The following EPDR1 variants were observed in gnomAD, a reference collection of about 807,000 sequenced individuals.
EPDR1 encodes mammalian ependymin-related protein 1.
Under a neutral mutation model 23.7 loss-of-function variants are expected in EPDR1, and 27 were observed. The observed-to-expected ratio is 1.14, with a 90% CI of 0.84 to 1.57. The LOEUF (loss-of-function observed/expected upper bound fraction) is 1.57, where lower values mean the gene tolerates loss of function less well. EPDR1 is among the 40% of genes most tolerant of loss of function. The pLI, the probability that EPDR1 is intolerant of heterozygous loss-of-function variation, is 0.00. For synonymous variants in EPDR1, 137 were observed against 118.2 expected (o/e 1.16, Z -1.03); for missense variants, 349 against 290.4 (o/e 1.20, Z -1.47).
chr7:37,921,087 G>C lies in EPDR1; in HGVS notation c.148G>C (p.Gly50Arg). The change falls in exon 1 of 3, where the codon GGG (glycine) becomes CGG (arginine). Residue 50 changes from glycine (G) to arginine (R), a missense_variant. Transcript: ENST00000199448. ...GTGCCAGGCGCCGCAGCAGTGGGAG[G>C]GGCGCCAGGTTATGTACCAGCAAAG... ...RPCQAPQQWEGRQVMYQQSSG... is the reference protein window; with the variant it reads ...RPCQAPQQWERRQVMYQQSSG... 3.2e-6 allele frequency: 5 copies of C among 1,581,510 alleles called. No individual in the cohort carries two copies. Among genetic ancestry groups the C allele is most frequent in the East Asian group, 2.3e-5 (1 of 43,434 alleles).
At chr7:37,949,137 A>G in intron 2 of EPDR1, 89 bp downstream of exon 2, 1 of 1,325,670 alleles carries the variant, frequency 7.5e-7, no homozygotes, top group Non-Finnish European at 1.0e-6. Context: ...TTTTTAGGGA[A>G]ACATCCGCTT....
At chr7:37,947,954 G>C (rs562888398) in intron 1 of EPDR1, among the ~76,000 whole-genome samples, 5 of 152,202 alleles carry the variant, frequency 3.3e-5, no homozygotes, top group Admixed American at 3.3e-4. Flanking sequence ...CTCTGGGGTC[G>C]CCTCAGCTTT....
At chr7:37,949,582 C>T (rs1315901389) in intron 2 of EPDR1, among the ~76,000 whole-genome samples, 1 of 152,136 alleles carries the variant, frequency 6.6e-6, no homozygotes, top group East Asian at 1.9e-4. Flanking sequence ...ATAAGACTGC[C>T]ATATGACCCA....
Position 37,927,989 on chromosome 7 carries a change from T to G in EPDR1, c.269+6781T>G, listed in dbSNP as rs1486570669. Among the ~76,000 whole-genome samples, 2 of 152,220 alleles carry G rather than the reference T, an allele frequency of 1.3e-5. 1 individual carries two copies. The highest frequency in any genetic ancestry group is 2.9e-5 in the Non-Finnish European group (2 of 68,034). ...GATTTTCTTGGAAGCACACAAAGTT[T>G]GATTTAAGGGACTTAATTCAGTGTG... On this transcript the variant is annotated intron_variant, in intron 1 of 2. Coordinates refer to ENST00000199448, the MANE Select transcript of EPDR1 (RefSeq NM_017549.5).
chr7:37,943,749 G>A (rs888901704), intron 1 of EPDR1, among the ~76,000 whole-genome samples: 29 of 152,108 alleles, frequency 1.9e-4, no homozygotes, highest in African/African-American at 6.7e-4. Flanking sequence ...ACACCAAAAC[G>A]AACACTTGTG....
intron 1 of EPDR1, among the ~76,000 whole-genome samples, chr7:37,946,351 G>A (rs1786274317): frequency 6.6e-6 from 1 of 152,202 alleles, no homozygotes; most frequent in Non-Finnish European, 1.5e-5. Flanking sequence ...CCCATCAACA[G>A]TGTAAAAGTG....
intron 1 of EPDR1, among the ~76,000 whole-genome samples, chr7:37,940,035 T>C (rs1306113525): frequency 6.6e-6 from 1 of 152,174 alleles, no homozygotes; most frequent in East Asian, 1.9e-4. Context: ...AACTCAATGT[T>C]TATTGGTAGA....
Position 37,949,047 on chromosome 7 carries a change from C to CT in EPDR1, c.478dup (p.Tyr160LeufsTer2). On this transcript the variant is annotated frameshift_variant and splice_region_variant, in exon 2 of 3. Coordinates refer to ENST00000199448, the MANE Select transcript of EPDR1 (RefSeq NM_017549.5). LOFTEE classifies it high-confidence loss of function. Reference sequence around the variant, plus strand: ...GGTCGGACAGAAAGTCAGCTAGATCCTGTAAGGGTTCAAAGAATCTAAGCA... The same window carrying CT: ...GGTCGGACAGAAAGTCAGCTAGATCCTTGTAAGGGTTCAAAGAATCTAAGCA... The CT allele has an allele frequency of 6.2e-7, 1 of 1,613,914 alleles. No homozygotes were observed. The highest frequency in any genetic ancestry group is 1.1e-5 in the South Asian group (1 of 91,072).
intron 1 of EPDR1, 198 bp downstream of exon 1, chr7:37,921,406 G>A (rs893616092): frequency 2.2e-6 from 3 of 1,391,466 alleles, no homozygotes; most frequent in Admixed American, 7.0e-5. Flanking sequence ...CACCGAGGGC[G>A]GCCTGCTGGC....
At chr7:37,938,770 T>C (rs1583668056) in intron 1 of EPDR1, among the ~76,000 whole-genome samples, 4 of 152,204 alleles carry the variant, frequency 2.6e-5, no homozygotes, top group Admixed American at 1.3e-4. Flanking sequence ...AAAATTTCCA[T>C]TGAAGGGTCT....
rs573990553 is a variant in EPDR1, at chr7:37,939,779, A to G, written c.270-9061A>G. 9.6e-4 allele frequency among the ~76,000 whole-genome samples: 147 copies of G among 152,360 alleles called. 1 individual carries two copies. The highest frequency in any genetic ancestry group is 3.4e-3 in the African/African-American group (143 of 41,576). ...ATTTCTTATTCCTCAGATTAGCACA[A>G]ATTTAAGTTTGACAACATGCTCTGT... On this transcript the variant is annotated intron_variant, in intron 1 of 2. Transcript: ENST00000199448.
At chr7:37,947,598 G>A (rs1786303478) in intron 1 of EPDR1, among the ~76,000 whole-genome samples, 1 of 152,134 alleles carries the variant, frequency 6.6e-6, no homozygotes, top group African/African-American at 2.4e-5. Context: ...TAATTTGTTG[G>A]CTATTTTTAT....
intron 1 of EPDR1, among the ~76,000 whole-genome samples, chr7:37,941,782 TG>T (rs1054798448): frequency 6.6e-6 from 1 of 152,176 alleles, no homozygotes; most frequent in African/African-American, 2.4e-5. Context: ...AAGATGTATT[TG>T]GGGGGCCACT....
At chr7:37,943,605 A>G (rs1402235266) in intron 1 of EPDR1, among the ~76,000 whole-genome samples, 1 of 152,260 alleles carries the variant, frequency 6.6e-6, no homozygotes, top group African/African-American at 2.4e-5. Flanking sequence ...AAAACAAATT[A>G]TATAGTTCTA....
chr7:37,934,664 C>T (rs1786013517), intron 1 of EPDR1, among the ~76,000 whole-genome samples: 1 of 151,952 alleles, frequency 6.6e-6, no homozygotes, highest in Admixed American at 6.6e-5. Flanking sequence ...TTAAAAATGG[C>T]CAGGTATGGT....
chr7:37,929,678 C>A (rs1785890316), intron 1 of EPDR1, among the ~76,000 whole-genome samples: 1 of 152,038 alleles, frequency 6.6e-6, no homozygotes, highest in South Asian at 2.1e-4. Context: ...TTACGTTATA[C>A]CTCTTTTCTG....
At position 37,934,693 on chromosome 7, in the gene EPDR1, C is replaced by A. The variant is rs182162984; in HGVS notation, c.269+13485C>A. Among the ~76,000 whole-genome samples, 4 of 152,046 alleles carry A rather than the reference C, an allele frequency of 2.6e-5. No homozygotes were observed. The East Asian group carries it at 7.7e-4, about 29-fold the overall frequency. On this transcript the variant is annotated intron_variant, in intron 1 of 2. Transcript: ENST00000199448. ...GTATGGTGGTTCATGCCTGTAATAC[C>A]AGCATTCTGAGGGGCTGATGTGAGA... is the stretch of plus-strand genomic sequence containing the variant.
chr7:37,921,189 G>T lies in EPDR1; in HGVS notation c.250G>T (p.Ala84Ser). ...CGTGCGGGTGCTGGACGAGAGGAAG[G>T]CGCTGATCCCCTGCAAGAGGTACAG... ...QRVRVLDERK[A>S]LIPCKRLFEY... Residue 84 changes from alanine to serine, a missense_variant, in exon 1 of 3, where the codon GCG becomes TCG. By Grantham distance (99) the Ala-to-Ser change is moderately conservative. Transcript: ENST00000199448. 1 of 1,590,538 alleles carries T rather than the reference G, an allele frequency of 6.3e-7. No homozygotes were observed. The highest frequency in any genetic ancestry group is 8.5e-7 in the Non-Finnish European group (1 of 1,176,832).
chr7:37,921,564 G>C, intron 1 of EPDR1: 1 of 1,141,846 alleles, frequency 8.8e-7, no homozygotes, highest in Non-Finnish European at 1.1e-6. Context: ...GCCCCCTGCA[G>C]TCTAGGGCGT....
Sources: gnomAD v4.1 joint callset for allele counts (sites outside exome capture counted in the v4.1 genomes callset) on GRCh38, gnomAD v4.1.1 for gene constraint, MANE v1.5 for transcripts, NCBI Gene and HGNC (gene_info 2026-07-23, HGNC 2026-07-21) for gene names.